The following PCSK5 variants were observed in gnomAD, a reference collection of about 807,000 sequenced individuals.
PCSK5 encodes proprotein convertase subtilisin/kexin type 5.
Under a neutral mutation model 233.2 loss-of-function variants are expected in PCSK5, and 129 were observed. The observed-to-expected ratio is 0.55, with a 90% CI of 0.48 to 0.64. The LOEUF is 0.64. Ranked by LOEUF, PCSK5 falls within the 30% of genes least tolerant of loss-of-function variation. The probability of loss-of-function intolerance (pLI) is 0.00; values close to 1 mark genes in which losing one functional copy is unlikely to be tolerated. For synonymous variants in PCSK5, 825 were observed against 879.2 expected, an observed-to-expected ratio of 0.94 and a Z score of 1.09; for missense variants, 2,076 against 2,430.1, an observed-to-expected ratio of 0.85 and a Z score of 3.06.
At chr9:75,910,731 G>T (rs1822689962) in intron 1 of PCSK5, among the ~76,000 whole-genome samples, 1 of 152,080 alleles carries the variant, frequency 6.6e-6, no homozygotes, top group Non-Finnish European at 1.5e-5. Flanking sequence ...AATAGCACTT[G>T]CTTGTGCCTT....
At chr9:76,246,338 T>C (rs1214534199) in intron 24 of PCSK5, among the ~76,000 whole-genome samples, 11 of 81,692 alleles carry the variant, frequency 1.3e-4, no homozygotes, top group Admixed American at 5.4e-4. Context: ...CGAGATTCCA[T>C]CTCAAAAAAA....
chr9:76,350,750 G>T, intron 35 of PCSK5, 78 bp from the exon 36 acceptor site: 1 of 876,336 alleles, frequency 1.1e-6, no homozygotes, highest in Admixed American at 1.9e-5. Context: ...CATATTCCTT[G>T]TTCCTAAGTG....
At chr9:75,975,557 G>T (rs879396143) in intron 2 of PCSK5, among the ~76,000 whole-genome samples, 1 of 152,018 alleles carries the variant, frequency 6.6e-6, no homozygotes, top group African/African-American at 2.4e-5. Context: ...ACAAAATAAA[G>T]CTCCTCTTTG....
chr9:76,350,973 GAAAC>G, intron 36 of PCSK5, 45 bp downstream of exon 36: 1 of 951,274 alleles, frequency 1.1e-6, no homozygotes, highest in Non-Finnish European at 1.7e-6. Context: ...TTTCTAGAGG[GAAAC>G]ATGAGCTTAC....
At chr9:76,037,778 TGTG>T (rs1442648862) in intron 5 of PCSK5, among the ~76,000 whole-genome samples, 4 of 152,144 alleles carry the variant, frequency 2.6e-5, no homozygotes, top group African/African-American at 4.8e-5. Context: ...CGTGGGGAAT[TGTG>T]GTGAATTTTC....
At chr9:76,244,336 A>G (rs1826517223) in intron 24 of PCSK5, among the ~76,000 whole-genome samples, 1 of 152,214 alleles carries the variant, frequency 6.6e-6, no homozygotes, top group African/African-American at 2.4e-5. Flanking sequence ...AGAGATAAAT[A>G]CAAACTTGAA....
At chr9:76,175,435 T>C (rs570617214) in intron 14 of PCSK5, 14 of 413,454 alleles carry the variant, frequency 3.4e-5, no homozygotes, top group Non-Finnish European at 5.9e-5. Context: ...ATATGTGTTA[T>C]CTGCAAAGCT....
intron 5 of PCSK5, among the ~76,000 whole-genome samples, chr9:76,064,436 G>T (rs1314705790): frequency 7.2e-6 from 1 of 138,934 alleles, no homozygotes; most frequent in African/African-American, 2.8e-5. Flanking sequence ...CTCCCGGATG[G>T]CACGGCTGGC....
At chr9:76,213,207 G>T (rs74389873) in intron 20 of PCSK5, among the ~76,000 whole-genome samples, 191 of 152,302 alleles carry the variant, frequency 1.3e-3, no homozygotes, top group African/African-American at 4.5e-3. Flanking sequence ...GTTCAGAGAA[G>T]CTGATTCTTC....
intron 1 of PCSK5, among the ~76,000 whole-genome samples, chr9:75,900,702 C>T (rs1199180681): frequency 7.5e-6 from 1 of 134,194 alleles, no homozygotes; most frequent in Admixed American, 7.5e-5. Context: ...AAACAAACAA[C>T]TTTTTTTTTT....
intron 2 of PCSK5, among the ~76,000 whole-genome samples, chr9:75,960,594 T>A (rs551387124): frequency 3.9e-5 from 6 of 152,340 alleles, no homozygotes; most frequent in African/African-American, 1.4e-4. Flanking sequence ...AAATTAAATC[T>A]TATTACTATA....
At chr9:76,156,090 GTGA>G (rs1822564334) in intron 10 of PCSK5, among the ~76,000 whole-genome samples, 1 of 152,232 alleles carries the variant, frequency 6.6e-6, no homozygotes, top group Non-Finnish European at 1.5e-5. Flanking sequence ...AGTCATTCAT[GTGA>G]TGATAATAAA....
chr9:75,991,087 T>A (rs1035856934), intron 3 of PCSK5, among the ~76,000 whole-genome samples: 2 of 152,196 alleles, frequency 1.3e-5, no homozygotes, highest in African/African-American at 4.8e-5. Context: ...ACAGTTATAA[T>A]CTTCATTTTA....
intron 2 of PCSK5, among the ~76,000 whole-genome samples, chr9:75,982,439 C>T (rs1194369006): frequency 6.6e-6 from 1 of 152,098 alleles, no homozygotes; most frequent in African/African-American, 2.4e-5. Flanking sequence ...GAGAATGAAC[C>T]TTTTCCCATG....
At chr9:75,968,407 T>C (rs1825685799) in intron 2 of PCSK5, among the ~76,000 whole-genome samples, 1 of 152,212 alleles carries the variant, frequency 6.6e-6, no homozygotes, top group Non-Finnish European at 1.5e-5. Context: ...CCGTTATCAG[T>C]CAAGTAATCT....
Position 75,891,081 on chromosome 9 carries a change from G to GGGGCTGCGAGCTGCGGCGGCCC in PCSK5, c.-94_-93insGAGCTGCGGCGGCCCGGGCTGC. On this transcript the variant is annotated 5_prime_UTR_variant, in exon 1 of 38. Transcript: ENST00000674117. ...CCGGGGCTGCGAGCTGCGGCGGCCC[G>GGGGCTGCGAGCTGCGGCGGCCC]GGGCTGCTCGCCGGGCGGCGCAGGC... 2 of 1,145,044 alleles carry GGGGCTGCGAGCTGCGGCGGCCC rather than the reference G, an allele frequency of 1.7e-6. No individual in the cohort carries two copies. The highest frequency in any genetic ancestry group is 2.3e-6 in the Non-Finnish European group (2 of 877,462). 70.9% of individuals were successfully genotyped at this position (1,145,044 alleles called of 1,614,324 possible).
intron 13 of PCSK5, among the ~76,000 whole-genome samples, chr9:76,172,221 A>G (rs1020433342): frequency 5.3e-5 from 8 of 152,216 alleles, no homozygotes; most frequent in African/African-American, 1.9e-4. Flanking sequence ...TTTTTGGCAC[A>G]TTGAACCTAT....
At chr9:76,186,462 C>T (rs1824107538) in intron 17 of PCSK5, among the ~76,000 whole-genome samples, 1 of 152,136 alleles carries the variant, frequency 6.6e-6, no homozygotes, top group African/African-American at 2.4e-5. Flanking sequence ...GTCTCAGTAG[C>T]CATGTGTGCC....
intron 12 of PCSK5, among the ~76,000 whole-genome samples, chr9:76,159,881 G>C (rs1306266794): frequency 6.7e-6 from 1 of 148,566 alleles, no homozygotes; most frequent in Non-Finnish European, 1.5e-5. Flanking sequence ...GGAGTGCGGT[G>C]GTGTGATCTC....
Sources: gnomAD v4.1 joint callset for allele counts (sites outside exome capture counted in the v4.1 genomes callset) on GRCh38, gnomAD v4.1.1 for gene constraint, MANE v1.5 for transcripts, NCBI Gene and HGNC (gene_info 2026-07-23, HGNC 2026-07-21) for gene names.